Variants in NBEA observed in about 807,000 individuals in gnomAD.
NBEA encodes lysosomal-trafficking regulator 2.
A neutral mutation model predicts 343.4 loss-of-function variants in NBEA; 44 were observed. The observed-to-expected ratio is 0.13, with a 90% CI of 0.10 to 0.16. The LOEUF (loss-of-function observed/expected upper bound fraction) is 0.16. NBEA is among the 10% of genes least tolerant of loss of function. NBEA has a pLI of 1.00. For synonymous variants in NBEA, 1,175 were observed against 1,238.7 expected (o/e 0.95, Z 1.08); for missense variants, 2,555 against 3,631.3 (o/e 0.70, Z 7.62).
chr13:35,455,125 A>T (rs988897708), intron 40 of NBEA, among the ~76,000 whole-genome samples: 2 of 151,968 alleles, frequency 1.3e-5, no homozygotes, highest in African/African-American at 4.8e-5. Context: ...TTTAGAATAT[A>T]TATGAAAGAA....
intron 55 of NBEA, among the ~76,000 whole-genome samples, chr13:35,659,141 A>G (rs577285117): frequency 3.0e-4 from 46 of 152,364 alleles, no homozygotes; most frequent in African/African-American, 1.1e-3. Context: ...AAAGTGTGTG[A>G]CACAATGCCC....
intron 38 of NBEA, among the ~76,000 whole-genome samples, chr13:35,422,352 T>C (rs961308308): frequency 7.4e-6 from 1 of 135,768 alleles, no homozygotes; most frequent in African/African-American, 2.7e-5. Context: ...CCTGTGTCCA[T>C]GTGTTCTCAT....
chr13:35,321,856 T>G (rs1200758755), intron 36 of NBEA, among the ~76,000 whole-genome samples: 2 of 152,174 alleles, frequency 1.3e-5, no homozygotes, highest in Admixed American at 1.3e-4. Context: ...TGCGGAGGGC[T>G]CCGCCCAGTT....
chr13:35,352,160 C>A lies in NBEA; in HGVS notation c.6016C>A (p.Gln2006Lys). 6.9e-7 allele frequency: 1 copy of A among 1,456,502 alleles called. No homozygotes were observed. Among genetic ancestry groups the A allele is most frequent in the South Asian group, 1.6e-5 (1 of 62,154 alleles). 90.2% of individuals were successfully genotyped at this position (1,456,502 alleles called of 1,614,324 possible). A position where few individuals can be genotyped will look rare whatever the true frequency, so the allele number is the denominator to read the frequency against. ...CATCATTTGTATTTCTTTATAGTCA[C>A]AGTGTGCCCAATATGCTGCTGATAG... is the stretch of plus-strand genomic sequence containing the variant. ...DVHKHAEFES[Q>K]CAQYAADRRE... is the part of the protein sequence containing the mutation. Residue 2006 changes from glutamine (Q) to lysine (K), a missense_variant, in exon 38 of 59, where the codon CAG becomes AAG. Gln to Lys is a moderately conservative substitution (Grantham distance 53). Coordinates refer to ENST00000379939, the MANE Select transcript of NBEA (RefSeq NM_001385012.1).
At chr13:35,239,235 T>C (rs941247314) in intron 34 of NBEA, among the ~76,000 whole-genome samples, 10 of 152,184 alleles carry the variant, frequency 6.6e-5, no homozygotes, top group East Asian at 1.9e-4. Flanking sequence ...AGGTATCTCA[T>C]TGGACCCCAA....
At chr13:35,240,103 A>C (rs1362604792) in intron 34 of NBEA, among the ~76,000 whole-genome samples, 1 of 151,634 alleles carries the variant, frequency 6.6e-6, no homozygotes. Context: ...ATGCATTGAA[A>C]CACCTGGATA....
At chr13:35,034,963 A>G (rs2062384465) in intron 1 of NBEA, among the ~76,000 whole-genome samples, 1 of 151,868 alleles carries the variant, frequency 6.6e-6, no homozygotes. Context: ...GCTTTTCAAA[A>G]AATGAACTTT....
At chr13:35,178,731 G>GT (rs1173906259) in intron 28 of NBEA, among the ~76,000 whole-genome samples, 3 of 151,008 alleles carry the variant, frequency 2.0e-5, no homozygotes, top group Non-Finnish European at 3.0e-5. Flanking sequence ...AATAATGAAG[G>GT]TTTTTTTAAA....
At chr13:35,145,581 A>T (rs2068369949) in intron 18 of NBEA, among the ~76,000 whole-genome samples, 2 of 152,188 alleles carry the variant, frequency 1.3e-5, no homozygotes, top group South Asian at 4.1e-4. Flanking sequence ...TGAACAAGTG[A>T]TGGCTATCCC....
In NBEA at chr13:35,537,671, GAGT is replaced by G. The variant is rs548155809; in HGVS notation, c.6586-12803_6586-12801del. Among the ~76,000 whole-genome samples the G allele has an allele frequency of 1.5e-3, 226 of 152,234 alleles. 1 individual carries two copies. Among genetic ancestry groups the G allele is most frequent in the Non-Finnish European group, 1.7e-3 (116 of 68,012 alleles). Reference sequence around the variant, plus strand: ...AGAAGCAAAAAGAGACCTTGAAGATGAGTAGAAGTGAACTTGGCAAATAGGGGA... The same window carrying G: ...AGAAGCAAAAAGAGACCTTGAAGATGAGAAGTGAACTTGGCAAATAGGGGA... On this transcript the variant is annotated intron_variant, in intron 41 of 58. Coordinates refer to ENST00000379939, the MANE Select transcript of NBEA (RefSeq NM_001385012.1).
intron 38 of NBEA, among the ~76,000 whole-genome samples, chr13:35,421,917 T>TAGA (rs2044298775): frequency 6.6e-6 from 1 of 152,106 alleles, no homozygotes. Flanking sequence ...ATGCCACTTT[T>TAGA]CTCTGGCTGC....
intron 1 of NBEA, among the ~76,000 whole-genome samples, chr13:34,953,733 T>C (rs2059412081): frequency 6.6e-6 from 1 of 152,228 alleles, no homozygotes; most frequent in Non-Finnish European, 1.5e-5. Flanking sequence ...ATGTATAGAC[T>C]TTTTAATCTT....
chr13:35,359,056 T>C lies in NBEA; in HGVS notation c.6179+6733T>C, dbSNP rs2040661207. Among the ~76,000 whole-genome samples the C allele has an allele frequency of 2.0e-5, 3 of 152,140 alleles. No individual in the cohort carries two copies. The South Asian group carries it at 6.2e-4, about 31-fold the overall frequency. ...ATAACATGAGCCAGATGATTTAAAG[T>C]CCTGTTCAATCACGTTAAGGATTTG... is the stretch of plus-strand genomic sequence containing the variant. On this transcript the variant is annotated intron_variant, in intron 38 of 58. Transcript: ENST00000379939.
chr13:35,332,180 T>C (rs2152849210), intron 36 of NBEA, among the ~76,000 whole-genome samples: 1 of 152,228 alleles, frequency 6.6e-6, no homozygotes, highest in South Asian at 2.1e-4. Context: ...TACTGAATTT[T>C]ACAGTTTTAG....
At chr13:35,592,997 G>A (rs2081607243) in intron 46 of NBEA, 1 of 237,418 alleles carries the variant, frequency 4.2e-6, no homozygotes, top group South Asian at 6.7e-5. Context: ...TGTATATATA[G>A]CCTTAATTAT....
intron 36 of NBEA, among the ~76,000 whole-genome samples, chr13:35,345,418 A>G (rs2039816467): frequency 6.6e-6 from 1 of 151,686 alleles, no homozygotes; most frequent in Non-Finnish European, 1.5e-5. Context: ...AGAGTGGTTT[A>G]TTTATTTATT....
chr13:35,056,559 G>A (rs1386522516), intron 7 of NBEA, among the ~76,000 whole-genome samples: 1 of 151,952 alleles, frequency 6.6e-6, no homozygotes, highest in East Asian at 1.9e-4. Flanking sequence ...GGAGAAGCAA[G>A]ATGGTCCAGA....
chr13:35,077,731 TG>T (rs1175494679), intron 10 of NBEA, among the ~76,000 whole-genome samples: 1 of 152,078 alleles, frequency 6.6e-6, no homozygotes, highest in Non-Finnish European at 1.5e-5. Context: ...TTCACACCAG[TG>T]GTCATTCACT....
At chr13:35,477,490 G>A (rs1383220588) in intron 41 of NBEA, among the ~76,000 whole-genome samples, 1 of 152,152 alleles carries the variant, frequency 6.6e-6, no homozygotes, top group Non-Finnish European at 1.5e-5. Context: ...AGAAACATTT[G>A]AAAAATAAAT....
Sources: allele counts gnomAD v4.1 joint callset (sites outside exome capture counted in the v4.1 genomes callset), GRCh38; gene constraint gnomAD v4.1.1; transcripts MANE v1.5; gene names NCBI Gene and HGNC (gene_info 2026-07-23, HGNC 2026-07-21).